Variants in MYH11 observed in about 807,000 individuals in gnomAD.
MYH11 encodes the protein myosin-11.
Under a neutral mutation model 246.6 loss-of-function variants are expected in MYH11, and 80 were observed. The observed-to-expected ratio is 0.32, with a 90% confidence interval of 0.27 to 0.39. The LOEUF is 0.39. Among genes scored for constraint, MYH11 ranks in the 10% least tolerant of loss-of-function variants. The probability of loss-of-function intolerance (pLI) is 1.00; values close to 1 mark genes in which losing one functional copy is unlikely to be tolerated. For missense variants in MYH11, 2,158 were observed against 2,546.8 expected (o/e 0.85, Z 3.29); for synonymous variants, 1,071 against 1,015.5 (o/e 1.05, Z -1.04).
chr16:15,715,163 C>G lies in MYH11; in HGVS notation c.5613+1G>C, dbSNP rs1701687378. On this transcript the variant is annotated splice_donor_variant, in intron 39 of 40. Coordinates refer to ENST00000300036, the MANE Select transcript of MYH11 (RefSeq NM_002474.3). LOFTEE classifies it high-confidence loss of function. Reference sequence around the variant, plus strand: ...GAGGGAGGCTGGGTGGCAGGGGCTACCTGCTCCTTGTACTGCTCGGCCATC... The same window carrying G: ...GAGGGAGGCTGGGTGGCAGGGGCTAGCTGCTCCTTGTACTGCTCGGCCATC... The G allele has an allele frequency of 6.2e-7, 1 of 1,613,428 alleles. No individual in the cohort carries two copies. The highest frequency in any genetic ancestry group is 8.5e-7 in the Non-Finnish European group (1 of 1,180,020).
At chr16:15,775,950 T>A in intron 8 of MYH11, 128 bp downstream of exon 8, 1 of 786,976 alleles carries the variant, frequency 1.3e-6, no homozygotes, top group Non-Finnish European at 2.3e-6. Context: ...ACTGTTCATA[T>A]GTCACTCACA....
chr16:15,808,621 G>T (rs2043067681), intron 3 of MYH11, among the ~76,000 whole-genome samples: 1 of 152,226 alleles, frequency 6.6e-6, no homozygotes, highest in South Asian at 2.1e-4. Flanking sequence ...ACTGGGCTGG[G>T]CATAGGAGCT....
intron 27 of MYH11, among the ~76,000 whole-genome samples, chr16:15,731,993 G>A (rs552607572): frequency 6.6e-6 from 1 of 151,678 alleles, no homozygotes; most frequent in African/African-American, 2.4e-5. Flanking sequence ...ATGGAATCCT[G>A]CTCTGTTGCT....
chr16:15,756,793 CTTTT>C (rs60486632), intron 13 of MYH11, among the ~76,000 whole-genome samples: 6 of 84,542 alleles, frequency 7.1e-5, no homozygotes, highest in Non-Finnish European at 9.4e-5. Context: ...GTTCATAACT[CTTTT>C]TTTTTTTTTT....
At chr16:15,757,583 A>T (rs2041761459) in intron 13 of MYH11, among the ~76,000 whole-genome samples, 2 of 149,962 alleles carry the variant, frequency 1.3e-5, no homozygotes, top group South Asian at 2.1e-4. Flanking sequence ...GAAGAAAAAA[A>T]GGAAGAAAAA....
At position 15,745,191 on chromosome 16, in the gene MYH11, G is replaced by C. The variant is rs1430368669; in HGVS notation, c.2458C>G (p.Gln820Glu). 6.2e-7 allele frequency: 1 copy of C among 1,613,974 alleles called. No individual in the cohort carries two copies. The highest frequency in any genetic ancestry group is 1.7e-5 in the Admixed American group (1 of 59,990). The change falls in exon 20 of 41, where the codon CAG becomes GAG. Residue 820 changes from glutamine to glutamate, a missense_variant. By Grantham distance (29) the Gln-to-Glu change is conservative (BLOSUM62 2). Around this residue, in one of 11 missense-constraint regions of MYH11, gnomAD observed 90 missense variants for 144.2 expected, o/e 0.62. Coordinates refer to ENST00000300036, the MANE Select transcript of MYH11 (RefSeq NM_002474.3). ...TTGAGGTAGGCGGCGCAGTTCCTCTGAATCACCTTCATGGCGGTCAGCTGC... is the reference window on the plus strand; with the variant it reads ...TTGAGGTAGGCGGCGCAGTTCCTCTCAATCACCTTCATGGCGGTCAGCTGC... Reference protein sequence around the residue: ...QQQLTAMKVIQRNCAAYLKLR... With the variant: ...QQQLTAMKVIERNCAAYLKLR...
intron 35 of MYH11, 119 bp from the exon 36 acceptor site, chr16:15,719,427 G>A: frequency 1.4e-6 from 2 of 1,464,108 alleles, no homozygotes; most frequent in Non-Finnish European, 1.9e-6. Flanking sequence ...CTCAGGGGAG[G>A]CCCCGTGAAT....
chr16:15,708,184 A>G (rs1205909115), intron 40 of MYH11, among the ~76,000 whole-genome samples: 2 of 152,160 alleles, frequency 1.3e-5, no homozygotes, highest in Non-Finnish European at 2.9e-5. Flanking sequence ...GTAGCTAGAC[A>G]TCACTCAAGC....
chr16:15,821,854 C>T, intron 3 of MYH11, among the ~76,000 whole-genome samples: 1 of 146,786 alleles, frequency 6.8e-6, no homozygotes, highest in Non-Finnish European at 1.5e-5. Flanking sequence ...GGAAGCGGAG[C>T]TTGCAGTGAG....
rs144664329 is a variant in MYH11, at chr16:15,736,312, T to C, written c.3294-734A>G. Among the ~76,000 whole-genome samples, 399 of 152,302 alleles carry C rather than the reference T, an allele frequency of 2.6e-3. 4 individuals carry two copies. The highest frequency in any genetic ancestry group is 8.8e-3 in the African/African-American group (366 of 41,572). Reference sequence around the variant, plus strand: ...TTATTGTTTTGAGACAGGGTCTTGCTCTGTTGCCCAGGCTGGAGTGCAGTG... The same window carrying C: ...TTATTGTTTTGAGACAGGGTCTTGCCCTGTTGCCCAGGCTGGAGTGCAGTG... On this transcript the variant is annotated intron_variant, in intron 25 of 40. Transcript: ENST00000300036.
chr16:15,822,202 C>G (rs56324920), intron 3 of MYH11, among the ~76,000 whole-genome samples: 7 of 152,316 alleles, frequency 4.6e-5, no homozygotes, highest in African/African-American at 1.4e-4. Context: ...CAGAATTGGG[C>G]TCCTCTCAAC....
At chr16:15,810,709 G>C (rs538997881) in intron 3 of MYH11, among the ~76,000 whole-genome samples, 27 of 152,268 alleles carry the variant, frequency 1.8e-4, no homozygotes, top group Non-Finnish European at 3.4e-4. Flanking sequence ...CTGCCCCCAG[G>C]GCCCGTTTCC....
intron 23 of MYH11, 27 bp downstream of exon 23, chr16:15,740,024 G>T: frequency 1.2e-6 from 2 of 1,612,666 alleles, no homozygotes; most frequent in South Asian, 2.2e-5. Flanking sequence ...TTATAGGCGT[G>T]AGCCACTGCA....
chr16:15,728,027 G>A (rs949892929), intron 27 of MYH11, among the ~76,000 whole-genome samples: 2 of 152,050 alleles, frequency 1.3e-5, no homozygotes, highest in African/African-American at 4.8e-5. Flanking sequence ...TGAGGAGTTC[G>A]AGACCAGCCT....
chr16:15,797,414 A>G (rs1342524994), intron 4 of MYH11, among the ~76,000 whole-genome samples: 1 of 152,024 alleles, frequency 6.6e-6, no homozygotes, highest in African/African-American at 2.4e-5. Flanking sequence ...GGTATTATCT[A>G]TAAAGAGCGT....
chr16:15,722,375 A>C (rs1187648897), intron 31 of MYH11, among the ~76,000 whole-genome samples: 1 of 152,220 alleles, frequency 6.6e-6, no homozygotes, highest in Non-Finnish European at 1.5e-5. Context: ...GAAGCAACTC[A>C]GAGAACATTC....
At chr16:15,786,788 T>C (rs758186526) in intron 4 of MYH11, 56 bp from the exon 5 acceptor site, 239 of 1,453,598 alleles carry the variant, frequency 1.6e-4, no homozygotes, top group Non-Finnish European at 2.2e-4. Flanking sequence ...CTTTCCGCAG[T>C]TCCATGAGCC....
Position 15,708,686 on chromosome 16 carries a change from A to G in MYH11, c.5787-4563T>C, listed in dbSNP as rs1475635940. ...AGATATCCAAGCCTCCAGATTTTGC[A>G]AGAATCTCGTGGAAATGTGCAAGGG... On this transcript the variant is annotated intron_variant, in intron 40 of 40. Coordinates refer to ENST00000300036, the MANE Select transcript of MYH11 (RefSeq NM_002474.3). 10 of 1,134,796 alleles carry G rather than the reference A, an allele frequency of 8.8e-6. No individual in the cohort carries two copies. In the African/African-American group the frequency reaches 1.4e-4, roughly 16 times the overall value. 70.3% of individuals were successfully genotyped at this position (1,134,796 alleles called of 1,614,324 possible).
intron 16 of MYH11, chr16:15,749,845 C>A (rs756763388): frequency 2.1e-5 from 11 of 523,568 alleles, no homozygotes; most frequent in Non-Finnish European, 3.7e-5. Flanking sequence ...TCTAACACTG[C>A]TCCCCAGCAC....
Sources: allele counts gnomAD v4.1 joint callset (sites outside exome capture counted in the v4.1 genomes callset), GRCh38; gene constraint gnomAD v4.1.1; regional missense constraint gnomAD v4.1.1; transcripts MANE v1.5; gene names NCBI Gene and HGNC (gene_info 2026-07-23, HGNC 2026-07-21).